Variants in GRM8 observed in about 807,000 individuals in gnomAD.
The protein encoded by GRM8 is glutamate metabotropic receptor 8, also known as metabotropic glutamate receptor 8.
Under a neutral mutation model 87.2 loss-of-function variants are expected in GRM8, and 47 were observed. The ratio of observed to expected loss-of-function variants is 0.54; its 90% CI spans 0.43 to 0.69. GRM8 has a LOEUF of 0.69. Ranked by LOEUF, GRM8 falls within the 30% of genes least tolerant of loss-of-function variation. The pLI is 0.00. For synonymous variants in GRM8, 396 were observed against 404.5 expected, an observed-to-expected ratio of 0.98 and a Z score of 0.25; for missense variants, 1,019 against 1,139.2, an observed-to-expected ratio of 0.89 and a Z score of 1.52.
chr7:127,065,927 T>C (rs1371919537), intron 3 of GRM8, among the ~76,000 whole-genome samples: 1 of 152,246 alleles, frequency 6.6e-6, no homozygotes, highest in African/African-American at 2.4e-5. Flanking sequence ...TCTTTCTTAC[T>C]CAAAAACTGA....
At chr7:127,049,655 T>C (rs1435284189) in intron 3 of GRM8, among the ~76,000 whole-genome samples, 1 of 152,050 alleles carries the variant, frequency 6.6e-6, no homozygotes, top group Non-Finnish European at 1.5e-5. Flanking sequence ...CAATAAATAC[T>C]TAGAAGTATT....
At position 126,770,016 on chromosome 7, in the gene GRM8, G is replaced by A; in HGVS notation, c.1206C>T (p.Val402=). The A allele has an allele frequency of 6.2e-7, 1 of 1,612,846 alleles. No individual in the cohort carries two copies. Among genetic ancestry groups the A allele is most frequent in the Non-Finnish European group, 8.5e-7 (1 of 1,179,250 alleles). The part of the protein sequence containing the change: ...RDSSYEQEGK[V]QFVIDAVYSM... ...AATATACAGCATCAATTACAAATTG[G>A]ACCTTTCCTTCCTGTTCATAAGATG... The change falls in exon 7 of 11, where the codon GTC becomes GTT. Residue 402 remains valine, a synonymous_variant. Coordinates refer to ENST00000339582, the MANE Select transcript of GRM8 (RefSeq NM_000845.3).
intron 7 of GRM8, among the ~76,000 whole-genome samples, chr7:126,743,620 C>T (rs1362261152): frequency 6.6e-6 from 1 of 151,966 alleles, no homozygotes; most frequent in Non-Finnish European, 1.5e-5. Flanking sequence ...AAAAATTATA[C>T]CAAGTGGAGG....
intron 2 of GRM8, among the ~76,000 whole-genome samples, chr7:127,125,234 A>G (rs931211924): frequency 6.6e-6 from 1 of 152,146 alleles, no homozygotes; most frequent in Non-Finnish European, 1.5e-5. Flanking sequence ...TTCTAAACAA[A>G]CTATAAAACT....
chr7:126,918,637 A>AATAG (rs1804180877), intron 3 of GRM8, among the ~76,000 whole-genome samples: 1 of 152,236 alleles, frequency 6.6e-6, no homozygotes, highest in African/African-American at 2.4e-5. Flanking sequence ...AACTTGTGAG[A>AATAG]ATAGGTTTTT....
At chr7:126,831,109 C>T (rs1035481352) in intron 6 of GRM8, among the ~76,000 whole-genome samples, 6 of 152,180 alleles carry the variant, frequency 3.9e-5, no homozygotes, top group African/African-American at 9.7e-5. Context: ...GTCAGTCTGC[C>T]CCTACTGGGG....
At chr7:127,174,585 A>C (rs555893888) in intron 2 of GRM8, among the ~76,000 whole-genome samples, 6 of 152,274 alleles carry the variant, frequency 3.9e-5, no homozygotes, top group Non-Finnish European at 8.8e-5. Flanking sequence ...TCACAATAGA[A>C]GGCTTTTAAC....
chr7:127,163,545 A>T (rs1486808667), intron 2 of GRM8, among the ~76,000 whole-genome samples: 1 of 152,186 alleles, frequency 6.6e-6, no homozygotes, highest in African/African-American at 2.4e-5. Flanking sequence ...AATTCCTTTT[A>T]TAAATAAATC....
At chr7:127,060,144 T>C (rs1820464571) in intron 3 of GRM8, among the ~76,000 whole-genome samples, 1 of 152,214 alleles carries the variant, frequency 6.6e-6, no homozygotes, top group African/African-American at 2.4e-5. Context: ...TTTCTGAGAA[T>C]TACATGACAT....
intron 9 of GRM8, among the ~76,000 whole-genome samples, chr7:126,522,282 TG>T (rs1183140273): frequency 1.3e-5 from 2 of 152,198 alleles, no homozygotes; most frequent in Non-Finnish European, 2.9e-5. Flanking sequence ...ATTTCTTGCC[TG>T]GATTTCCTCA....
rs513 is a variant in GRM8 at position 126,456,519 on chromosome 7, T to TAAAAAAAAAAAAAAA, written c.2431-10162_2431-10148dup. Among the ~76,000 whole-genome samples the TAAAAAAAAAAAAAAA allele has an allele frequency of 2.5e-3, 176 of 69,636 alleles. 7 individuals carry two copies. Among genetic ancestry groups the TAAAAAAAAAAAAAAA allele is most frequent in the Non-Finnish European group, 3.4e-3 (135 of 40,136 alleles). The allele number at this position is 69,636 out of a possible 152,430, so 45.7% of individuals were successfully genotyped here. A position where few individuals can be genotyped will look rare whatever the true frequency, so the allele number is the denominator to read the frequency against. Reference sequence around the variant, plus strand: ...TCCTAAGTGTAAGAAAGCAGCAAGCTAAAAAAAAAAAAAAAAAAAAAAAAA... The same window carrying TAAAAAAAAAAAAAAA: ...TCCTAAGTGTAAGAAAGCAGCAAGCTAAAAAAAAAAAAAAAAAAAAAAAAAAAAAAAAAAAAAAAA... On this transcript the variant is annotated intron_variant, in intron 9 of 10. Coordinates refer to ENST00000339582, the MANE Select transcript of GRM8 (RefSeq NM_000845.3).
intron 7 of GRM8, among the ~76,000 whole-genome samples, chr7:126,680,310 C>T (rs1272217442): frequency 6.6e-6 from 1 of 152,168 alleles, no homozygotes; most frequent in Non-Finnish European, 1.5e-5. Flanking sequence ...GCCTGCTCAA[C>T]CTTCAATAAG....
chr7:126,477,605 A>G (rs896693426), intron 9 of GRM8, among the ~76,000 whole-genome samples: 1 of 147,154 alleles, frequency 6.8e-6, no homozygotes, highest in South Asian at 2.1e-4. Flanking sequence ...GAAAGAAAGA[A>G]AGAAAGAAAG....
At chr7:126,850,938 A>T (rs1324039010) in intron 6 of GRM8, among the ~76,000 whole-genome samples, 1 of 152,116 alleles carries the variant, frequency 6.6e-6, no homozygotes, top group Admixed American at 6.6e-5. Context: ...CCATGACTTT[A>T]AATTCCATCA....
In GRM8 at chr7:126,519,889, G is replaced by A. The variant is rs750445973; in HGVS notation, c.2430+13063C>T. On this transcript the variant is annotated intron_variant, in intron 9 of 10. Coordinates refer to ENST00000339582, the MANE Select transcript of GRM8 (RefSeq NM_000845.3). ...AGTGAGAAGGAAAAAAATAGATCTA[G>A]GAGAAATTTCAAACAAACACTATAA... Among the ~76,000 whole-genome samples, 17 of 152,182 alleles carry A rather than the reference G, an allele frequency of 1.1e-4. No individual in the cohort carries two copies. The South Asian group carries it at 1.2e-3, about 11-fold the overall frequency.
chr7:126,550,556 T>C (rs1033886985), intron 8 of GRM8, among the ~76,000 whole-genome samples: 1 of 152,080 alleles, frequency 6.6e-6, no homozygotes, highest in Non-Finnish European at 1.5e-5. Context: ...TGCAACCACT[T>C]AGAAATTAAA....
chr7:127,028,838 A>G (rs1384608595), intron 3 of GRM8, among the ~76,000 whole-genome samples: 1 of 151,840 alleles, frequency 6.6e-6, no homozygotes, highest in Non-Finnish European at 1.5e-5. Flanking sequence ...ATCTCCTTTC[A>G]GTTCTGCTCT....
chr7:126,604,002 AAAC>A (rs1412567675), intron 8 of GRM8, among the ~76,000 whole-genome samples: 1 of 152,132 alleles, frequency 6.6e-6, no homozygotes, highest in Non-Finnish European at 1.5e-5. Flanking sequence ...CATTAAAAAA[AAAC>A]AGTTGTTTAT....
chr7:126,976,523 G>A (rs1811003549), intron 3 of GRM8, among the ~76,000 whole-genome samples: 1 of 152,124 alleles, frequency 6.6e-6, no homozygotes, highest in African/African-American at 2.4e-5. Context: ...GAACCTAGGA[G>A]GCGGAGCTTG....
Sources: gnomAD v4.1 joint callset for allele counts (sites outside exome capture counted in the v4.1 genomes callset) on GRCh38, gnomAD v4.1.1 for gene constraint, MANE v1.5 for transcripts, NCBI Gene and HGNC (gene_info 2026-07-23, HGNC 2026-07-21) for gene names.